The following MLXIPL variants were observed in gnomAD, a reference collection of about 807,000 sequenced individuals.
The protein encoded by MLXIPL is MLX interacting protein like.
In MLXIPL, 49 loss-of-function variants were observed where a neutral mutation model predicts 81.5. That is an observed-to-expected ratio of 0.60 (90% CI 0.48 to 0.76). The LOEUF (loss-of-function observed/expected upper bound fraction) is 0.76, where lower values mean the gene tolerates loss of function less well. Among genes scored for constraint, MLXIPL ranks in the 30% least tolerant of loss-of-function variants. MLXIPL has a pLI of 0.00. For synonymous variants in MLXIPL, 466 were observed against 485.5 expected, an observed-to-expected ratio of 0.96 and a Z score of 0.53; for missense variants, 1,053 against 1,167.0, an observed-to-expected ratio of 0.90 and a Z score of 1.42.
At chr7:73,634,763 T>A in the MLXIPL span, among the ~76,000 whole-genome samples, 3 of 151,330 alleles carry the variant, frequency 2.0e-5, no homozygotes, top group African/African-American at 7.3e-5. Flanking sequence ...CACTTTTCTT[T>A]GCAAGAAGTA....
chr7:73,612,590 C>T (rs942872106), intron 2 of MLXIPL, among the ~76,000 whole-genome samples: 28 of 148,904 alleles, frequency 1.9e-4, no homozygotes, highest in Admixed American at 1.6e-3. Context: ...TGCAGTGAGT[C>T]GAGAGCACAC....
At chr7:73,594,504 A>G in intron 15 of MLXIPL, 101 bp from the exon 16 acceptor site, 2 of 1,461,860 alleles carry the variant, frequency 1.4e-6, no homozygotes, top group Non-Finnish European at 9.4e-7. Flanking sequence ...GGGCCTGGAC[A>G]CTGTCTAACG....
the MLXIPL span, among the ~76,000 whole-genome samples, chr7:73,645,625 A>G: frequency 6.6e-6 from 1 of 152,090 alleles, no homozygotes; most frequent in Non-Finnish European, 1.5e-5. Flanking sequence ...CAGAGAATGC[A>G]CCACCCATGT....
At position 73,593,751 on chromosome 7, in the gene MLXIPL, G is replaced by A. The variant is rs1016112391; in HGVS notation, c.*114C>T. On this transcript the variant is annotated 3_prime_UTR_variant, in exon 17 of 17. Coordinates refer to ENST00000313375, the MANE Select transcript of MLXIPL (RefSeq NM_032951.3). The stretch of plus-strand genomic sequence containing the variant: ...GGACCCTGCTCCACCCCCCAGGGAA[G>A]GGCAGAGCCAGGGCCTGGGGCAGGA... 1 of 965,378 alleles carries A rather than the reference G, an allele frequency of 1.0e-6. No homozygotes were observed. Among genetic ancestry groups the A allele is most frequent in the Non-Finnish European group, 1.7e-6 (1 of 596,352 alleles). 59.8% of individuals were successfully genotyped at this position (965,378 alleles called of 1,614,324 possible).
At chr7:73,632,787 C>CT in the MLXIPL span, among the ~76,000 whole-genome samples, 1 of 120,646 alleles carries the variant, frequency 8.3e-6, no homozygotes, top group Non-Finnish European at 1.8e-5. Context: ...TCCTTCCTTC[C>CT]TTCCTTCCTT....
the MLXIPL span, among the ~76,000 whole-genome samples, chr7:73,631,012 T>TA: frequency 1.0e-5 from 1 of 98,730 alleles, no homozygotes; most frequent in East Asian, 3.1e-4. Context: ...TAGGGAATAC[T>TA]TTTTTTTTTT....
intron 15 of MLXIPL, among the ~76,000 whole-genome samples, chr7:73,595,361 C>T (rs1794189106): frequency 6.6e-6 from 1 of 152,190 alleles, no homozygotes; most frequent in African/African-American, 2.4e-5. Context: ...TTCTCCCAAA[C>T]TGCCCTCGGG....
chr7:73,597,295 G>C lies in MLXIPL; in HGVS notation c.1490C>G (p.Ala497Gly). The C allele has an allele frequency of 1.3e-6, 2 of 1,568,686 alleles. No homozygotes were observed. The highest frequency in any genetic ancestry group is 2.7e-5 in the African/African-American group (2 of 74,186). The change falls in exon 9 of 17, where the codon GCC becomes GGC. Residue 497 changes from alanine to glycine, a missense_variant. Ala to Gly is a moderately conservative substitution (Grantham distance 60). Around this residue, in one of 3 missense-constraint regions of MLXIPL, gnomAD observed 823 missense variants for 933.0 expected, o/e 0.88. Transcript: ENST00000313375. Reference protein sequence around the residue: ...CFSMPRGKPPAPSPRGQKASP... With the variant: ...CFSMPRGKPPGPSPRGQKASP... ...GGCTTTCTGTCCCCTAGGGGATGGGGCGGGGGGCTTGCCTCTGGGCATGGA... is the reference window on the plus strand; with the variant it reads ...GGCTTTCTGTCCCCTAGGGGATGGGCCGGGGGGCTTGCCTCTGGGCATGGA...
chr7:73,606,277 C>T, intron 5 of MLXIPL, 166 bp from the exon 6 acceptor site: 1 of 717,040 alleles, frequency 1.4e-6, no homozygotes, highest in Non-Finnish European at 2.4e-6. Context: ...AGGCCAAGAT[C>T]ACTCCATTGG....
chr7:73,599,438 G>A (rs1794604549), intron 8 of MLXIPL, 88 bp downstream of exon 8: 4 of 1,506,412 alleles, frequency 2.7e-6, no homozygotes, highest in Non-Finnish European at 3.7e-6. Context: ...GGGCACTCAG[G>A]GAGTGTCTGA....
the MLXIPL span, among the ~76,000 whole-genome samples, chr7:73,636,263 A>T: frequency 6.6e-6 from 1 of 152,006 alleles, no homozygotes; most frequent in East Asian, 1.9e-4. Flanking sequence ...CACAAAAATT[A>T]GCCGGATCCG....
chr7:73,639,471 C>G, the MLXIPL span, among the ~76,000 whole-genome samples: 1 of 152,140 alleles, frequency 6.6e-6, no homozygotes, highest in Non-Finnish European at 1.5e-5. Context: ...CAGGTGTTAA[C>G]AGAACCTCAT....
intron 7 of MLXIPL, among the ~76,000 whole-genome samples, chr7:73,605,221 G>A (rs1193754342): frequency 2.0e-5 from 3 of 152,028 alleles, no homozygotes; most frequent in Non-Finnish European, 4.4e-5. Flanking sequence ...CCCATTGGAG[G>A]CCACACCAGC....
At chr7:73,608,454 GCACATGC>G in intron 2 of MLXIPL, among the ~76,000 whole-genome samples, 1 of 152,228 alleles carries the variant, frequency 6.6e-6, no homozygotes, top group Admixed American at 6.5e-5. Context: ...GAGCATGGCG[GCACATGC>G]CTATAGTCCC....
At chr7:73,612,624 AGAGT>A (rs1795762958) in intron 2 of MLXIPL, among the ~76,000 whole-genome samples, 2 of 150,144 alleles carry the variant, frequency 1.3e-5, no homozygotes, top group Admixed American at 6.7e-5. Context: ...CCTGAGCAAC[AGAGT>A]GAGACCCCCA....
At chr7:73,640,503 G>T in the MLXIPL span, among the ~76,000 whole-genome samples, 1 of 149,814 alleles carries the variant, frequency 6.7e-6, no homozygotes, top group Non-Finnish European at 1.5e-5. Flanking sequence ...GCGGCCGGGC[G>T]TGGTGGCTCA....
chr7:73,617,191 G>T (rs1297448429), intron 1 of MLXIPL, among the ~76,000 whole-genome samples: 2 of 151,914 alleles, frequency 1.3e-5, no homozygotes, highest in African/African-American at 4.8e-5. Flanking sequence ...AATTTTTTTG[G>T]TATTTTTAGT....
chr7:73,647,821 G>T, the MLXIPL span, among the ~76,000 whole-genome samples: 5 of 150,898 alleles, frequency 3.3e-5, no homozygotes, highest in Admixed American at 3.3e-4. Context: ...GCCAGGGGCG[G>T]GCGGCGGGCG....
At position 73,593,996 on chromosome 7, in the gene MLXIPL, CAG is replaced by C. The variant is rs144164348; in HGVS notation, c.2441-15_2441-14del. On this transcript the variant is annotated splice_polypyrimidine_tract_variant and intron_variant, in intron 16 of 16. Coordinates refer to ENST00000313375, the MANE Select transcript of MLXIPL (RefSeq NM_032951.3). Reference sequence around the variant, plus strand: ...GAGTTCAGGACAGCTGGGTGGGAGACAGAGAGAGAGAGACAGACACTTCCTGG... The same window carrying C: ...GAGTTCAGGACAGCTGGGTGGGAGACAGAGAGAGAGACAGACACTTCCTGG... The C allele has an allele frequency of 1.4e-3, 2,202 of 1,580,974 alleles. 2 individuals are homozygous for C. Among genetic ancestry groups the C allele is most frequent in the South Asian group, 4.1e-3 (371 of 89,868 alleles).
Sources: gnomAD v4.1 joint callset for allele counts (sites outside exome capture counted in the v4.1 genomes callset) on GRCh38, gnomAD v4.1.1 for gene constraint, gnomAD v4.1.1 regional missense constraint, MANE v1.5 for transcripts, NCBI Gene and HGNC (gene_info 2026-07-23, HGNC 2026-07-21) for gene names.